Variants in FBXW11 observed in about 807,000 individuals in gnomAD.
The protein encoded by FBXW11 is F-box/WD repeat-containing protein 11.
In FBXW11, 19 loss-of-function variants were observed where a neutral mutation model predicts 77.6. The observed-to-expected ratio is 0.24, with a 90% CI of 0.17 to 0.36. FBXW11 has a LOEUF of 0.36. Ranked by LOEUF, FBXW11 falls within the 10% of genes least tolerant of loss-of-function variation. FBXW11 has a pLI of 1.00. For missense variants in FBXW11, 334 were observed against 704.2 expected (o/e 0.47, Z 5.95); for synonymous variants, 235 against 249.4 (o/e 0.94, Z 0.54).
chr5:171,926,851 C>A (rs549464238), intron 2 of FBXW11, among the ~76,000 whole-genome samples: 155 of 152,190 alleles, frequency 1.0e-3, no homozygotes, highest in Admixed American at 3.6e-3. Context: ...TAGAATAATT[C>A]CCAGCATACT....
At chr5:171,880,934 G>T (rs916782931) in intron 7 of FBXW11, among the ~76,000 whole-genome samples, 1 of 152,166 alleles carries the variant, frequency 6.6e-6, no homozygotes, top group Non-Finnish European at 1.5e-5. Flanking sequence ...GACCTCAGAT[G>T]ATCCACCCAC....
intron 4 of FBXW11, among the ~76,000 whole-genome samples, chr5:171,903,126 T>G (rs1013958659): frequency 2.0e-4 from 31 of 152,198 alleles, no homozygotes; most frequent in Non-Finnish European, 2.8e-4. Flanking sequence ...TCACAGGGAC[T>G]CACTCTATCA....
intron 2 of FBXW11, among the ~76,000 whole-genome samples, chr5:171,953,186 G>A (rs963480834): frequency 6.6e-6 from 1 of 152,032 alleles, no homozygotes; most frequent in Non-Finnish European, 1.5e-5. Context: ...AATGTTTGTA[G>A]GGCCTTGCTA....
In FBXW11 at chr5:171,898,996, A is replaced by T. The variant is rs373995746; in HGVS notation, c.714+8T>A. 10 of 1,549,886 alleles carry T rather than the reference A, an allele frequency of 6.5e-6. No homozygotes were observed. Among genetic ancestry groups the T allele is most frequent in the Non-Finnish European group, 7.0e-6 (8 of 1,142,466 alleles). On this transcript the variant is annotated splice_region_variant and intron_variant, in intron 6 of 13. Transcript: ENST00000517395. Reference sequence around the variant, plus strand: ...AGAGCCCATAAAACAGATAAATCATAAAGTTACCTCTATATCCTGGATAAT... The same window carrying T: ...AGAGCCCATAAAACAGATAAATCATTAAGTTACCTCTATATCCTGGATAAT...
chr5:171,973,810 G>GT (rs1266824467), intron 1 of FBXW11, among the ~76,000 whole-genome samples: 3 of 152,088 alleles, frequency 2.0e-5, no homozygotes, highest in Non-Finnish European at 4.4e-5. Flanking sequence ...CAATTTTTCT[G>GT]TAAGTTTCTG....
intron 2 of FBXW11, among the ~76,000 whole-genome samples, chr5:171,939,718 A>G (rs1341174080): frequency 1.5e-5 from 2 of 132,584 alleles, no homozygotes; most frequent in Admixed American, 7.7e-5. Context: ...AAAAAAAAAA[A>G]GAAAGAAAGA....
At chr5:171,865,839 G>C (rs137899262) in intron 13 of FBXW11, among the ~76,000 whole-genome samples, 1 of 152,276 alleles carries the variant, frequency 6.6e-6, no homozygotes, top group Non-Finnish European at 1.5e-5. Flanking sequence ...CTGACATGGA[G>C]AGACTCTCAC....
intron 13 of FBXW11, among the ~76,000 whole-genome samples, chr5:171,867,357 T>C (rs1368924062): frequency 6.6e-6 from 1 of 152,210 alleles, no homozygotes; most frequent in Non-Finnish European, 1.5e-5. Flanking sequence ...AACACTGCAA[T>C]TTAAATTTCA....
intron 6 of FBXW11, among the ~76,000 whole-genome samples, chr5:171,897,525 G>A (rs1161929460): frequency 6.6e-6 from 1 of 152,064 alleles, no homozygotes; most frequent in Non-Finnish European, 1.5e-5. Flanking sequence ...GATGGCAGGT[G>A]GTGTCAGATA....
intron 1 of FBXW11, among the ~76,000 whole-genome samples, chr5:171,971,597 C>A (rs540695025): frequency 8.1e-4 from 123 of 151,526 alleles, no homozygotes; most frequent in Non-Finnish European, 1.5e-3. Flanking sequence ...TTACCAGCAG[C>A]AAAAGTCATT....
At chr5:171,905,601 T>TGCC (rs1760451292) in intron 4 of FBXW11, among the ~76,000 whole-genome samples, 5 of 102,788 alleles carry the variant, frequency 4.9e-5, no homozygotes, top group Non-Finnish European at 1.0e-4. Flanking sequence ...CCCCCCCCCT[T>TGCC]TATTTTCTTG....
chr5:171,985,572 A>G (rs1003169798), intron 1 of FBXW11, among the ~76,000 whole-genome samples: 4 of 152,160 alleles, frequency 2.6e-5, no homozygotes, highest in Non-Finnish European at 4.4e-5. Flanking sequence ...CCTGTGCAAC[A>G]CAGCAAGACT....
chr5:171,877,953 T>A (rs1468774585), intron 8 of FBXW11, 58 bp downstream of exon 8: 2 of 1,258,296 alleles, frequency 1.6e-6, no homozygotes, highest in African/African-American at 3.0e-5. Flanking sequence ...AGGATGTCAA[T>A]CTCAGACTTT....
intron 4 of FBXW11, among the ~76,000 whole-genome samples, chr5:171,905,610 T>C (rs1371492158): frequency 5.6e-5 from 7 of 123,936 alleles, no homozygotes; most frequent in African/African-American, 1.9e-4. Context: ...TTTATTTTCT[T>C]GGTATAAGTC....
intron 1 of FBXW11, among the ~76,000 whole-genome samples, chr5:171,973,286 C>A (rs1764635697): frequency 6.6e-6 from 1 of 152,066 alleles, no homozygotes; most frequent in African/African-American, 2.4e-5. Flanking sequence ...AATAAGCAAC[C>A]TAGCTTCTTC....
At chr5:171,972,542 G>A (rs1252504945) in intron 1 of FBXW11, among the ~76,000 whole-genome samples, 3 of 141,314 alleles carry the variant, frequency 2.1e-5, no homozygotes, top group Non-Finnish European at 4.6e-5. Flanking sequence ...AAAACTATAG[G>A]ACTAAAACTT....
intron 2 of FBXW11, among the ~76,000 whole-genome samples, chr5:171,951,206 A>AC (rs1299429190): frequency 2.1e-5 from 1 of 48,162 alleles, no homozygotes; most frequent in African/African-American, 3.1e-5. Context: ...GCCACAAAAG[A>AC]CAAAAAAAAA....
chr5:171,923,598 T>C (rs1761713591), intron 2 of FBXW11, among the ~76,000 whole-genome samples: 1 of 152,216 alleles, frequency 6.6e-6, no homozygotes, highest in Non-Finnish European at 1.5e-5. Context: ...TTTAAGTCCA[T>C]GTTTTTCCAA....
At chr5:171,902,819 C>T (rs907928537) in intron 4 of FBXW11, among the ~76,000 whole-genome samples, 1 of 152,180 alleles carries the variant, frequency 6.6e-6, no homozygotes, top group African/African-American at 2.4e-5. Context: ...TCTATAGGAG[C>T]TATGTGATTG....
Sources: allele counts gnomAD v4.1 joint callset (sites outside exome capture counted in the v4.1 genomes callset), GRCh38; gene constraint gnomAD v4.1.1; transcripts MANE v1.5; gene names NCBI Gene and HGNC (gene_info 2026-07-23, HGNC 2026-07-21).